The following GSDMC variants were observed in gnomAD, a reference collection of about 807,000 sequenced individuals.
The protein encoded by GSDMC is gasdermin-C.
A neutral mutation model predicts 58.0 loss-of-function variants in GSDMC; 59 were observed. The observed-to-expected ratio is 1.02, with a 90% CI of 0.82 to 1.26. GSDMC has a LOEUF of 1.26. Among genes scored for constraint, GSDMC ranks in the 50% most tolerant of loss-of-function variants. GSDMC has a pLI of 0.00. For synonymous variants in GSDMC, 241 were observed against 220.2 expected (o/e 1.09, Z -0.83); for missense variants, 659 against 598.5 (o/e 1.10, Z -1.06).
At chr8:129,722,676 T>C in the GSDMC span, among the ~76,000 whole-genome samples, 1 of 152,174 alleles carries the variant, frequency 6.6e-6, no homozygotes, top group Non-Finnish European at 1.5e-5. Flanking sequence ...ACCTGGAAAA[T>C]TGTACCTTTA....
the GSDMC span, among the ~76,000 whole-genome samples, chr8:129,718,149 CA>C: frequency 4.0e-5 from 6 of 151,012 alleles, no homozygotes; most frequent in Non-Finnish European, 7.4e-5. Flanking sequence ...AAAGCGATGG[CA>C]AAAAAAAGCC....
At chr8:129,776,493 G>A (rs1407305131) in intron 2 of GSDMC, among the ~76,000 whole-genome samples, 1 of 152,276 alleles carries the variant, frequency 6.6e-6, no homozygotes, top group East Asian at 1.9e-4. Context: ...ATTTAAATGG[G>A]CATTGTGTGA....
chr8:129,718,201 G>A, the GSDMC span, among the ~76,000 whole-genome samples: 2 of 152,084 alleles, frequency 1.3e-5, no homozygotes, highest in Non-Finnish European at 2.9e-5. Context: ...AAGAGCTTTT[G>A]CACAGCAAAA....
At chr8:129,708,199 G>C in the GSDMC span, among the ~76,000 whole-genome samples, 2 of 152,220 alleles carry the variant, frequency 1.3e-5, no homozygotes, top group Non-Finnish European at 2.9e-5. Context: ...AATGAGTCAT[G>C]GACAAGCTCA....
At chr8:129,732,289 TAA>T in the GSDMC span, among the ~76,000 whole-genome samples, 31 of 140,812 alleles carry the variant, frequency 2.2e-4, no homozygotes, top group African/African-American at 6.6e-4. Context: ...CTTTATAAAT[TAA>T]AAAAAAAAAA....
chr8:129,744,949 G>A (rs2032930952), downstream of GSDMC, among the ~76,000 whole-genome samples: 1 of 152,190 alleles, frequency 6.6e-6, no homozygotes, highest in African/African-American at 2.4e-5. Context: ...AATGTATAAA[G>A]AGAATAGATG....
chr8:129,772,260 C>G (rs1326631299), intron 3 of GSDMC, among the ~76,000 whole-genome samples: 1 of 94,312 alleles, frequency 1.1e-5, no homozygotes, highest in Non-Finnish European at 2.1e-5. Context: ...GACTCCGTCT[C>G]AAAAAAAAAA....
chr8:129,785,080 G>A (rs559084353), intron 1 of GSDMC, among the ~76,000 whole-genome samples: 174 of 152,030 alleles, frequency 1.1e-3, no homozygotes, highest in Non-Finnish European at 2.2e-3. Context: ...GCATGGTAGC[G>A]CATGACTGTA....
chr8:129,762,790 G>C (rs1182710456), intron 4 of GSDMC, 59 bp from the exon 5 acceptor site: 2 of 1,107,508 alleles, frequency 1.8e-6, no homozygotes, highest in Non-Finnish European at 2.7e-6. Flanking sequence ...AGGTCAGATG[G>C]CTCTAGAAAG....
At chr8:129,732,912 G>A in the GSDMC span, among the ~76,000 whole-genome samples, 3,789 of 152,320 alleles carry the variant, frequency 0.025, 65 homozygotes, top group Middle Eastern at 0.14. Context: ...CTAGCCAAGG[G>A]AAGCCGTGAC....
intron 1 of GSDMC, among the ~76,000 whole-genome samples, chr8:129,785,054 A>G (rs1318977155): frequency 6.6e-6 from 1 of 152,110 alleles, no homozygotes; most frequent in Non-Finnish European, 1.5e-5. Context: ...TCTACTAAAA[A>G]TACAAAATTA....
At chr8:129,707,681 T>C in the GSDMC span, among the ~76,000 whole-genome samples, 9 of 152,262 alleles carry the variant, frequency 5.9e-5, no homozygotes, top group African/African-American at 1.9e-4. Flanking sequence ...ATTACATTTC[T>C]TGATACACAT....
chr8:129,735,497 G>C, the GSDMC span, among the ~76,000 whole-genome samples: 1 of 152,194 alleles, frequency 6.6e-6, no homozygotes, highest in Non-Finnish European at 1.5e-5. Flanking sequence ...TCAGGATTAA[G>C]AAACTCACTT....
At chr8:129,752,974 T>G in intron 6 of GSDMC, 154 bp from the exon 7 acceptor site, 1 of 1,324,860 alleles carries the variant, frequency 7.5e-7, no homozygotes. Flanking sequence ...GAATTGCCCA[T>G]TCCTTCTTTC....
chr8:129,731,023 A>G, the GSDMC span, among the ~76,000 whole-genome samples: 2 of 152,232 alleles, frequency 1.3e-5, no homozygotes, highest in South Asian at 4.1e-4. Context: ...ATTATGAAAA[A>G]CTTTAAACAT....
the GSDMC span, among the ~76,000 whole-genome samples, chr8:129,736,137 T>C: frequency 6.6e-6 from 1 of 152,172 alleles, no homozygotes; most frequent in Non-Finnish European, 1.5e-5. Flanking sequence ...GCTCTGAAAT[T>C]GAGGCAATAA....
At chr8:129,773,985 C>G (rs910067638) in intron 3 of GSDMC, among the ~76,000 whole-genome samples, 18 of 152,064 alleles carry the variant, frequency 1.2e-4, no homozygotes, top group African/African-American at 4.3e-4. Context: ...TGTCATACTA[C>G]TCAAAGCAAT....
chr8:129,761,333 GTCC>G (rs745851283), intron 5 of GSDMC, among the ~76,000 whole-genome samples: 2 of 152,058 alleles, frequency 1.3e-5, no homozygotes, highest in African/African-American at 2.4e-5. Flanking sequence ...AAAGCTAAGT[GTCC>G]TCCTTTAGTT....
chr8:129,763,118 G>A (rs372238436), intron 4 of GSDMC, among the ~76,000 whole-genome samples: 4 of 151,942 alleles, frequency 2.6e-5, no homozygotes, highest in South Asian at 2.1e-4. Context: ...CCCCACTCCC[G>A]ATCTTTCCTT....
Sources: allele counts gnomAD v4.1 joint callset (sites outside exome capture counted in the v4.1 genomes callset), GRCh38; gene constraint gnomAD v4.1.1; transcripts MANE v1.5; gene names NCBI Gene and HGNC (gene_info 2026-07-23, HGNC 2026-07-21).